ST6GALNAC3: variants seen among roughly 807,000 people sequenced by gnomAD.
ST6GALNAC3 encodes ST6 N-acetylgalactosaminide alpha-2,6-sialyltransferase 3.
Under a neutral mutation model 32.7 loss-of-function variants are expected in ST6GALNAC3, and 25 were observed. The observed-to-expected ratio is 0.76, with a 90% CI of 0.56 to 1.07. The LOEUF is 1.07. Among genes scored for constraint, ST6GALNAC3 ranks in the 50% least tolerant of loss-of-function variants. The probability of loss-of-function intolerance (pLI) is 0.00; values close to 1 mark genes in which losing one functional copy is unlikely to be tolerated. For missense variants in ST6GALNAC3, 355 were observed against 382.4 expected (o/e 0.93, Z 0.60); for synonymous variants, 129 against 133.1 (o/e 0.97, Z 0.21).
At chr1:76,552,108 T>G (rs189790084) in intron 3 of ST6GALNAC3, among the ~76,000 whole-genome samples, 2 of 152,286 alleles carry the variant, frequency 1.3e-5, no homozygotes, top group Admixed American at 6.5e-5. Context: ...AATGGCACCT[T>G]GCTGTAGCTA....
chr1:76,134,102 C>T (rs1649785419), intron 1 of ST6GALNAC3, among the ~76,000 whole-genome samples: 1 of 152,188 alleles, frequency 6.6e-6, no homozygotes, highest in Non-Finnish European at 1.5e-5. Flanking sequence ...ACTCTGAGGC[C>T]AAGGAATAGC....
intron 3 of ST6GALNAC3, among the ~76,000 whole-genome samples, chr1:76,560,040 T>C (rs1665157206): frequency 6.6e-6 from 1 of 151,994 alleles, no homozygotes; most frequent in Non-Finnish European, 1.5e-5. Flanking sequence ...GCACCTAAAG[T>C]GAACTCATTT....
At chr1:76,100,867 T>C (rs1459509061) in intron 1 of ST6GALNAC3, among the ~76,000 whole-genome samples, 1 of 152,084 alleles carries the variant, frequency 6.6e-6, no homozygotes, top group Admixed American at 6.6e-5. Context: ...GGACATTTTT[T>C]TAATGCCAGT....
At chr1:76,377,055 C>T (rs1205892300) in intron 2 of ST6GALNAC3, among the ~76,000 whole-genome samples, 1 of 152,102 alleles carries the variant, frequency 6.6e-6, no homozygotes, top group Non-Finnish European at 1.5e-5. Context: ...CAAACCAAAA[C>T]ACTCCTACAT....
intron 3 of ST6GALNAC3, among the ~76,000 whole-genome samples, chr1:76,486,361 G>C (rs1183264513): frequency 6.6e-6 from 1 of 152,106 alleles, no homozygotes; most frequent in Non-Finnish European, 1.5e-5. Context: ...GGGAGTCTAA[G>C]TCTCTTTGTA....
chr1:76,081,550 G>A (rs575941468), intron 1 of ST6GALNAC3, among the ~76,000 whole-genome samples: 8 of 152,232 alleles, frequency 5.3e-5, no homozygotes, highest in African/African-American at 9.6e-5. Flanking sequence ...TAGCTGTGTC[G>A]TTTTTATTTG....
chr1:76,325,012 C>T lies in ST6GALNAC3; in HGVS notation c.213+11013C>T, dbSNP rs574319598. ...GTTTGTTACATATGTATACATGTGCCAAACACTGCATGTACTCACTCATAG... is the reference window on the plus strand; with the variant it reads ...GTTTGTTACATATGTATACATGTGCTAAACACTGCATGTACTCACTCATAG... On this transcript the variant is annotated intron_variant, in intron 2 of 4. Transcript: ENST00000328299. 2.0e-5 allele frequency among the ~76,000 whole-genome samples: 3 copies of T among 152,120 alleles called. No homozygotes were observed. The East Asian group carries it at 5.8e-4, about 29-fold the overall frequency.
chr1:76,242,305 A>G (rs1206667499), intron 1 of ST6GALNAC3, among the ~76,000 whole-genome samples: 1 of 152,086 alleles, frequency 6.6e-6, no homozygotes, highest in Non-Finnish European at 1.5e-5. Flanking sequence ...GGGGGAGAGG[A>G]GTGCTGGTTC....
intron 3 of ST6GALNAC3, among the ~76,000 whole-genome samples, chr1:76,474,658 A>C (rs1367404976): frequency 6.6e-6 from 1 of 152,160 alleles, no homozygotes; most frequent in East Asian, 1.9e-4. Flanking sequence ...TTCAAACAAA[A>C]AGATGCAGTC....
intron 1 of ST6GALNAC3, among the ~76,000 whole-genome samples, chr1:76,209,198 T>C (rs2783985): frequency 0.57 from 86,774 of 152,004 alleles, 25,878 homozygotes; most frequent in East Asian, 0.88. Context: ...TTTGAGGTTG[T>C]GTCTATTATA....
At chr1:76,111,558 T>C (rs1647942164) in intron 1 of ST6GALNAC3, among the ~76,000 whole-genome samples, 2 of 150,594 alleles carry the variant, frequency 1.3e-5, no homozygotes, top group South Asian at 4.3e-4. Context: ...CAAAGGTCTC[T>C]GGTTTTCCTA....
intron 1 of ST6GALNAC3, among the ~76,000 whole-genome samples, chr1:76,277,346 A>G (rs1659188118): frequency 6.6e-6 from 1 of 151,940 alleles, no homozygotes; most frequent in Admixed American, 6.6e-5. Context: ...AGACAGACCA[A>G]TGAGACACAA....
intron 1 of ST6GALNAC3, among the ~76,000 whole-genome samples, chr1:76,151,425 G>A (rs527445138): frequency 1.3e-5 from 2 of 152,340 alleles, no homozygotes; most frequent in East Asian, 1.9e-4. Context: ...TCGTAGAAAG[G>A]CATACAAATC....
chr1:76,549,616 C>A lies in ST6GALNAC3; in HGVS notation c.624-77836C>A, dbSNP rs188826334. On this transcript the variant is annotated intron_variant, in intron 3 of 4. Coordinates refer to ENST00000328299, the MANE Select transcript of ST6GALNAC3 (RefSeq NM_152996.4). ...AACATTTTGATTGTTTACAGTCTTC[C>A]CCTGTAATAGGTAATGCCACATACA... Among the ~76,000 whole-genome samples, 71 of 152,034 alleles carry A rather than the reference C, an allele frequency of 4.7e-4. 1 individual carries two copies. Among genetic ancestry groups the A allele is most frequent in the Non-Finnish European group, 1.2e-4 (8 of 67,996 alleles).
chr1:76,480,141 A>T (rs560159566), intron 3 of ST6GALNAC3, among the ~76,000 whole-genome samples: 15 of 152,286 alleles, frequency 9.8e-5, no homozygotes, highest in South Asian at 2.1e-4. Context: ...GTTTTAAATG[A>T]TGAGAAAAGA....
chr1:76,564,588 T>G (rs1323998333), intron 3 of ST6GALNAC3, among the ~76,000 whole-genome samples: 1 of 5,424 alleles, frequency 1.8e-4, no homozygotes, highest in Non-Finnish European at 3.9e-3. Flanking sequence ...TTTTTTTTTT[T>G]TTTTTTTTTT....
At chr1:76,478,396 G>A (rs957064204) in intron 3 of ST6GALNAC3, among the ~76,000 whole-genome samples, 9 of 152,126 alleles carry the variant, frequency 5.9e-5, no homozygotes, top group African/African-American at 2.2e-4. Context: ...TTTGTTTTCT[G>A]GAGTTCCTCC....
chr1:76,524,719 T>G (rs199664040), intron 3 of ST6GALNAC3, among the ~76,000 whole-genome samples: 15,244 of 151,382 alleles, frequency 0.1, 937 homozygotes, highest in East Asian at 0.21. Context: ...TTTCAGTTTT[T>G]TTTTTTTTTT....
chr1:76,326,941 A>G (rs1647085449), intron 2 of ST6GALNAC3, among the ~76,000 whole-genome samples: 1 of 151,594 alleles, frequency 6.6e-6, no homozygotes, highest in African/African-American at 2.4e-5. Flanking sequence ...AAACAATAGT[A>G]AACAATACTG....
Sources: gnomAD v4.1 joint callset for allele counts (sites outside exome capture counted in the v4.1 genomes callset) on GRCh38, gnomAD v4.1.1 for gene constraint, MANE v1.5 for transcripts, NCBI Gene and HGNC (gene_info 2026-07-23, HGNC 2026-07-21) for gene names.